The following FCHO2 variants were observed in gnomAD, a reference collection of about 807,000 sequenced individuals.
FCHO2 encodes FCH and mu domain containing endocytic adaptor 2.
FCHO2 carries 43 observed loss-of-function variants against 114.1 expected under a neutral mutation model. That is an observed-to-expected ratio of 0.38 (90% CI 0.30 to 0.49). FCHO2 has a LOEUF of 0.49. FCHO2 is among the 20% of genes least tolerant of loss of function. FCHO2 has a pLI of 0.97. For synonymous variants in FCHO2, 293 were observed against 315.2 expected (o/e 0.93, Z 0.75); for missense variants, 807 against 950.4 (o/e 0.85, Z 1.98).
chr5:73,013,480 A>G (rs888673444), intron 6 of FCHO2, among the ~76,000 whole-genome samples: 1 of 152,238 alleles, frequency 6.6e-6, no homozygotes, highest in Non-Finnish European at 1.5e-5. Context: ...TAGAAATGAC[A>G]AATGTATTTT....
rs1161879062 is a variant in FCHO2 at position 73,016,777 on chromosome 5, G to A, written c.700-435G>A. 2.6e-5 allele frequency among the ~76,000 whole-genome samples: 4 copies of A among 152,168 alleles called. No homozygotes were observed. The South Asian group carries it at 6.2e-4, about 24-fold the overall frequency. ...TTGGGTGTGGTGGTGCATGCCTATA[G>A]TCCCAGCTACTTGGGAGGCTGAGGT... On this transcript the variant is annotated intron_variant, in intron 7 of 25. Transcript: ENST00000430046.
chr5:73,067,678 T>C (rs1290979133), intron 18 of FCHO2, among the ~76,000 whole-genome samples: 1 of 152,046 alleles, frequency 6.6e-6, no homozygotes, highest in African/African-American at 2.4e-5. Flanking sequence ...TGTTCACAGC[T>C]TTGTATCTAG....
intron 5 of FCHO2, among the ~76,000 whole-genome samples, chr5:72,999,973 C>G (rs1028886923): frequency 6.6e-6 from 1 of 152,018 alleles, no homozygotes; most frequent in Non-Finnish European, 1.5e-5. Context: ...CTCCAGCTTC[C>G]CTTTTATTTT....
intron 5 of FCHO2, among the ~76,000 whole-genome samples, chr5:72,992,770 A>T (rs1036911476): frequency 6.6e-6 from 1 of 152,198 alleles, no homozygotes; most frequent in Admixed American, 6.5e-5. Context: ...GTAATTAAAA[A>T]TTACTTTCAT....
intron 1 of FCHO2, among the ~76,000 whole-genome samples, chr5:72,962,286 C>T (rs1004249523): frequency 2.0e-5 from 3 of 151,836 alleles, no homozygotes; most frequent in African/African-American, 7.3e-5. Flanking sequence ...TTGATGTCTG[C>T]GTTCTTTTTT....
chr5:73,056,362 A>G lies in FCHO2; in HGVS notation c.1253+255A>G, dbSNP rs1032271836. ...AGGGTTCATTCTTGGTGTTGGACAAATGTGTAAGGACATGTATTCGTCATT... is the reference window on the plus strand; with the variant it reads ...AGGGTTCATTCTTGGTGTTGGACAAGTGTGTAAGGACATGTATTCGTCATT... On this transcript the variant is annotated intron_variant, in intron 16 of 25. Coordinates refer to ENST00000430046, the MANE Select transcript of FCHO2 (RefSeq NM_138782.3). 1.2e-4 allele frequency among the ~76,000 whole-genome samples: 19 copies of G among 152,192 alleles called. No individual in the cohort carries two copies. The highest frequency in any genetic ancestry group is 4.3e-4 in the African/African-American group (18 of 41,458).
chr5:72,997,169 C>T lies in FCHO2; in HGVS notation c.495+6305C>T. ...TGGGGTCCTGAGGCTCACAGTCTGG[C>T]CTGGAACGCCTCCTGACTTCATCCT... On this transcript the variant is annotated intron_variant, in intron 5 of 25. Transcript: ENST00000430046. 11 of 1,113,198 alleles carry T rather than the reference C, an allele frequency of 9.9e-6. 1 individual carries two copies. Among genetic ancestry groups the T allele is most frequent in the Non-Finnish European group, 1.5e-5 (11 of 726,546 alleles). 69.0% of individuals were successfully genotyped at this position (1,113,198 alleles called of 1,614,324 possible).
chr5:73,038,415 A>G (rs1301588498), intron 10 of FCHO2, among the ~76,000 whole-genome samples: 1 of 152,236 alleles, frequency 6.6e-6, no homozygotes, highest in Non-Finnish European at 1.5e-5. Context: ...TACTCAGTCC[A>G]TTTAGATTGA....
chr5:72,976,895 C>A (rs1345030790), intron 2 of FCHO2, among the ~76,000 whole-genome samples: 2 of 150,666 alleles, frequency 1.3e-5, no homozygotes, highest in African/African-American at 2.4e-5. Context: ...GTTTTCTGTT[C>A]TTGTGTTTGC....
intron 2 of FCHO2, among the ~76,000 whole-genome samples, chr5:72,981,137 T>G (rs1213294060): frequency 6.6e-6 from 1 of 152,204 alleles, no homozygotes; most frequent in Non-Finnish European, 1.5e-5. Flanking sequence ...AAGACTGGCC[T>G]GGTGGTGATG....
Position 72,956,135 on chromosome 5 carries a change from C to T in FCHO2, c.33+6C>T, listed in dbSNP as rs1751516660. 6.5e-7 allele frequency: 1 copy of T among 1,536,942 alleles called. No homozygotes were observed. Among genetic ancestry groups the T allele is most frequent in the Non-Finnish European group, 8.8e-7 (1 of 1,141,354 alleles). On this transcript the variant is annotated splice_donor_region_variant and intron_variant, in intron 1 of 25. Transcript: ENST00000430046. ...ATTTCGTCGAGAATTTTTGGGTAAGCTTAGGATGTTGGAAGTCGTGTGTTT... is the reference window on the plus strand; with the variant it reads ...ATTTCGTCGAGAATTTTTGGGTAAGTTTAGGATGTTGGAAGTCGTGTGTTT...
chr5:73,026,363 G>A (rs893699225), intron 8 of FCHO2, among the ~76,000 whole-genome samples: 3 of 152,004 alleles, frequency 2.0e-5, no homozygotes, highest in Non-Finnish European at 2.9e-5. Context: ...CCAGCTACTT[G>A]GGAGGCTGAG....
chr5:73,006,912 G>T (rs767138784), intron 6 of FCHO2, among the ~76,000 whole-genome samples: 11 of 152,094 alleles, frequency 7.2e-5, no homozygotes, highest in Admixed American at 2.6e-4. Flanking sequence ...TGGTCTCAAA[G>T]AACTTACATA....
At chr5:72,999,311 A>T (rs1237503548) in intron 5 of FCHO2, among the ~76,000 whole-genome samples, 3 of 150,772 alleles carry the variant, frequency 2.0e-5, no homozygotes, top group Non-Finnish European at 4.4e-5. Flanking sequence ...TTTTTTTGTG[A>T]CTTAAAAACA....
chr5:73,078,211 G>T lies in FCHO2; in HGVS notation c.1879G>T (p.Asp627Tyr). 1.9e-6 allele frequency: 3 copies of T among 1,575,326 alleles called. No homozygotes were observed. The highest frequency in any genetic ancestry group is 2.4e-5 in the South Asian group (2 of 84,458). Residue 627 changes from aspartate (D) to tyrosine (Y), a missense_variant, in exon 22 of 26, where the codon GAT becomes TAT. Asp to Tyr is a radical substitution (Grantham distance 160). Coordinates refer to ENST00000430046, the MANE Select transcript of FCHO2 (RefSeq NM_138782.3). ...DPSQCDSNTK[D>Y]FWMNMQAVTV... ...ATCACAATGTGATTCCAACACAAAA[G>T]ATTTTTGGATGAACATGCAAGCTGT...
intron 22 of FCHO2, among the ~76,000 whole-genome samples, chr5:73,081,065 A>G (rs1743075574): frequency 6.6e-6 from 1 of 152,162 alleles, no homozygotes; most frequent in African/African-American, 2.4e-5. Flanking sequence ...AGCCATGAGC[A>G]TGCCACTACA....
At chr5:73,004,451 C>T (rs971443586) in intron 5 of FCHO2, among the ~76,000 whole-genome samples, 3 of 152,100 alleles carry the variant, frequency 2.0e-5, no homozygotes, top group Non-Finnish European at 4.4e-5. Context: ...GGATAGGCAG[C>T]TCAATACAAC....
chr5:73,035,384 A>C (rs1756447288), intron 9 of FCHO2, among the ~76,000 whole-genome samples: 1 of 151,932 alleles, frequency 6.6e-6, no homozygotes, highest in African/African-American at 2.4e-5. Flanking sequence ...GTACCACTGC[A>C]CTCCAGCCTG....
At chr5:72,956,207 G>GGGC (rs140511986) in intron 1 of FCHO2, 78 bp downstream of exon 1, 199,045 of 1,471,090 alleles carry the variant, frequency 0.14, 13,933 homozygotes, top group East Asian at 0.34. Context: ...CGTGCGCTTC[G>GGGC]GGCGGCGGCG....
Sources: gnomAD v4.1 joint callset for allele counts (sites outside exome capture counted in the v4.1 genomes callset) on GRCh38, gnomAD v4.1.1 for gene constraint, MANE v1.5 for transcripts, NCBI Gene and HGNC (gene_info 2026-07-23, HGNC 2026-07-21) for gene names.